The following MYBL2 variants were observed in gnomAD, a reference collection of about 807,000 sequenced individuals.
The protein encoded by MYBL2 is myb-related protein B.
MYBL2 carries 28 observed loss-of-function variants against 79.9 expected under a neutral mutation model. The observed-to-expected ratio is 0.35, with a 90% CI of 0.26 to 0.48. The LOEUF (loss-of-function observed/expected upper bound fraction) is 0.48, where lower values mean the gene tolerates loss of function less well. MYBL2 is among the 20% of genes least tolerant of loss of function. The probability of loss-of-function intolerance (pLI) is 0.99; values close to 1 mark genes in which losing one functional copy is unlikely to be tolerated. For synonymous variants in MYBL2, 378 were observed against 361.2 expected, an observed-to-expected ratio of 1.05 and a Z score of -0.53; for missense variants, 735 against 893.9, an observed-to-expected ratio of 0.82 and a Z score of 2.27.
chr20:43,711,389 C>T (rs1987902024), intron 10 of MYBL2, 99 bp from the exon 11 acceptor site: 1 of 844,158 alleles, frequency 1.2e-6, no homozygotes, highest in African/African-American at 1.7e-5. Flanking sequence ...TCCTGCCTTA[C>T]CCAGGACAGC....
At chr20:43,677,003 CA>C in intron 2 of MYBL2, among the ~76,000 whole-genome samples, 1 of 152,128 alleles carries the variant, frequency 6.6e-6, no homozygotes, top group Non-Finnish European at 1.5e-5. Context: ...CTTGGCCTCC[CA>C]AAGTGTTGGG....
intron 6 of MYBL2, among the ~76,000 whole-genome samples, chr20:43,697,980 G>A (rs1049816407): frequency 1.4e-5 from 2 of 148,054 alleles, no homozygotes; most frequent in African/African-American, 5.0e-5. Flanking sequence ...TCATTGTTTT[G>A]GTTTTCATTT....
intron 1 of MYBL2, among the ~76,000 whole-genome samples, chr20:43,667,962 G>C (rs1249897840): frequency 1.3e-5 from 2 of 152,074 alleles, no homozygotes; most frequent in African/African-American, 4.8e-5. Flanking sequence ...GGGGGAGAGA[G>C]AGAGTCCCTG....
chr20:43,693,929 T>A (rs932075604), intron 6 of MYBL2, among the ~76,000 whole-genome samples: 19 of 152,086 alleles, frequency 1.2e-4, no homozygotes, highest in Admixed American at 1.2e-3. Flanking sequence ...GCACCTGTAG[T>A]CCCAGCTACT....
chr20:43,667,492 GCTCTT>G (rs964805234), intron 1 of MYBL2, among the ~76,000 whole-genome samples, 189 bp downstream of exon 1: 1 of 152,172 alleles, frequency 6.6e-6, no homozygotes, highest in African/African-American at 2.4e-5. Context: ...AAGCTGGGGG[GCTCTT>G]GGGCGTCCCT....
Position 43,711,556 on chromosome 20 carries a change from C to T in MYBL2, c.1674C>T (p.Ile558=), listed in dbSNP as rs755190756. The part of the protein sequence containing the change: ...VLRSEAGIEL[I]IEDDIRPEKQ... ...GTTCTGAGGCTGGCATCGAACTCAT[C>T]ATCGAGGACGACATCAGGCCCGAGA... Residue 558 remains isoleucine (I), a synonymous_variant, in exon 11 of 14, where the codon ATC becomes ATT. Coordinates refer to ENST00000217026, the MANE Select transcript of MYBL2 (RefSeq NM_002466.4). The T allele has an allele frequency of 9.9e-6, 16 of 1,613,644 alleles. No individual in the cohort carries two copies. The highest frequency in any genetic ancestry group is 1.2e-5 in the Non-Finnish European group (14 of 1,179,854).
intron 1 of MYBL2, among the ~76,000 whole-genome samples, chr20:43,672,849 CTT>C (rs1430852977): frequency 2.6e-5 from 4 of 152,170 alleles, no homozygotes; most frequent in Non-Finnish European, 5.9e-5. Context: ...ACTTCATCAA[CTT>C]TATTCCTTAA....
intron 6 of MYBL2, among the ~76,000 whole-genome samples, chr20:43,698,950 G>T (rs1257687601): frequency 6.6e-6 from 1 of 151,118 alleles, no homozygotes; most frequent in Non-Finnish European, 1.5e-5. Flanking sequence ...GGACCCAATT[G>T]CCTCAGCCTC....
chr20:43,668,582 G>T (rs1483642903), intron 1 of MYBL2, among the ~76,000 whole-genome samples: 1 of 152,018 alleles, frequency 6.6e-6, no homozygotes, highest in Non-Finnish European at 1.5e-5. Flanking sequence ...TTCAGGCTGA[G>T]GATAGGGATC....
chr20:43,671,463 A>ATTTTTTTT (rs376522569), intron 1 of MYBL2, among the ~76,000 whole-genome samples: 22 of 70,868 alleles, frequency 3.1e-4, no homozygotes, highest in African/African-American at 7.2e-4. Context: ...GCTGATTTCC[A>ATTTTTTTT]TTTTTTTTTT....
At chr20:43,715,783 C>G (rs1254041031) in intron 13 of MYBL2, among the ~76,000 whole-genome samples, 176 bp from the exon 14 acceptor site, 1 of 152,090 alleles carries the variant, frequency 6.6e-6, no homozygotes, top group African/African-American at 2.4e-5. Context: ...GTTGAGGAAG[C>G]CCACAGCCAG....
At chr20:43,715,878 C>T in intron 13 of MYBL2, 81 bp from the exon 14 acceptor site, 1 of 1,501,992 alleles carries the variant, frequency 6.7e-7, no homozygotes, top group African/African-American at 1.4e-5. Flanking sequence ...TATAACTCTA[C>T]CCTTCCCTGG....
Position 43,692,154 on chromosome 20 carries a change from C to T in MYBL2, c.501-3C>T. ...TTCAAAGGCCCCCTGCTGCCCCCTG[C>T]AGGACAGACAATGCTGTGAAGAATC... On this transcript the variant is annotated splice_region_variant and splice_polypyrimidine_tract_variant and intron_variant, in intron 5 of 13. Coordinates refer to ENST00000217026, the MANE Select transcript of MYBL2 (RefSeq NM_002466.4). 6.2e-7 allele frequency: 1 copy of T among 1,613,696 alleles called. No homozygotes were observed. Among genetic ancestry groups the T allele is most frequent in the East Asian group, 2.2e-5 (1 of 44,864 alleles).
chr20:43,702,802 C>G lies in MYBL2; in HGVS notation c.1264C>G (p.Pro422Ala), dbSNP rs768659081. 1 of 1,614,202 alleles carries G rather than the reference C, an allele frequency of 6.2e-7. No individual in the cohort carries two copies. The highest frequency in any genetic ancestry group is 8.5e-7 in the Non-Finnish European group (1 of 1,180,036). The stretch of plus-strand genomic sequence containing the variant: ...GAGGAAGAGGCGTGTGGCTCTGTCC[C>G]CTGTCACTGAGAATAGCACCAGTCT... Reference protein sequence around the residue: ...RQRKRRVALSPVTENSTSLSF... With the variant: ...RQRKRRVALSAVTENSTSLSF... Residue 422 changes from proline to alanine, a missense_variant, in exon 8 of 14, where the codon CCT becomes GCT. Pro to Ala is a conservative substitution (Grantham distance 27). This residue lies in a region of MYBL2 where 243 missense variants were observed against 327.2 expected (regional missense o/e 0.74). Coordinates refer to ENST00000217026, the MANE Select transcript of MYBL2 (RefSeq NM_002466.4).
At chr20:43,695,892 C>G (rs533246000) in intron 6 of MYBL2, among the ~76,000 whole-genome samples, 10 of 152,202 alleles carry the variant, frequency 6.6e-5, no homozygotes, top group Admixed American at 1.3e-4. Flanking sequence ...GGCTTGTAAT[C>G]CCAGCTACTC....
chr20:43,707,184 T>G (rs1040648873), intron 9 of MYBL2, among the ~76,000 whole-genome samples: 19 of 150,514 alleles, frequency 1.3e-4, no homozygotes, highest in African/African-American at 4.4e-4. Context: ...CTTTCTAGTT[T>G]TTTTTTTTTT....
At chr20:43,691,695 A>G (rs558197851) in intron 5 of MYBL2, among the ~76,000 whole-genome samples, 3 of 152,020 alleles carry the variant, frequency 2.0e-5, no homozygotes, top group East Asian at 3.9e-4. Flanking sequence ...ATGTGCCACC[A>G]TGCCTGGCTA....
intron 2 of MYBL2, among the ~76,000 whole-genome samples, chr20:43,677,810 A>G (rs1987046195): frequency 6.6e-6 from 1 of 152,216 alleles, no homozygotes; most frequent in African/African-American, 2.4e-5. Context: ...GGTGTACCCA[A>G]CAGCTCATTG....
chr20:43,668,149 T>C lies in MYBL2; in HGVS notation c.20+846T>C, dbSNP rs374611603. Among the ~76,000 whole-genome samples, 19 of 150,956 alleles carry C rather than the reference T, an allele frequency of 1.3e-4. 1 individual carries two copies. The highest frequency in any genetic ancestry group is 3.9e-4 in the African/African-American group (16 of 41,170). On this transcript the variant is annotated intron_variant, in intron 1 of 13. Coordinates refer to ENST00000217026, the MANE Select transcript of MYBL2 (RefSeq NM_002466.4). ...GAGACAGGACAGTGGGGTCCTGACC[T>C]CTTCCCTGCCTGGATCGCTGCAGCT...
Sources: allele counts gnomAD v4.1 joint callset (sites outside exome capture counted in the v4.1 genomes callset), GRCh38; gene constraint gnomAD v4.1.1; regional missense constraint gnomAD v4.1.1; transcripts MANE v1.5; gene names NCBI Gene and HGNC (gene_info 2026-07-23, HGNC 2026-07-21).